MED25: variants seen among roughly 807,000 people sequenced by gnomAD.
MED25 encodes the protein mediator complex subunit 25, also known as mediator of RNA polymerase II transcription subunit 25.
Under a neutral mutation model 89.4 loss-of-function variants are expected in MED25, and 62 were observed. The observed-to-expected ratio is 0.69, with a 90% CI of 0.57 to 0.86. MED25 has a LOEUF of 0.86. Among genes scored for constraint, MED25 ranks in the 40% least tolerant of loss-of-function variants. The pLI, the probability that MED25 is intolerant of heterozygous loss-of-function variation, is 0.00. For synonymous variants in MED25, 449 were observed against 427.9 expected (o/e 1.05, Z -0.61); for missense variants, 905 against 1,005.2 (o/e 0.90, Z 1.35).
rs1384542921 is a variant in MED25, at chr19:49,836,484, G to A, written c.2146+78G>A. 2 of 1,496,072 alleles carry A rather than the reference G, an allele frequency of 1.3e-6. No individual in the cohort carries two copies. Among genetic ancestry groups the A allele is most frequent in the African/African-American group, 1.4e-5 (1 of 71,880 alleles). The allele number at this position is 1,496,072 out of a possible 1,614,324, so 92.7% of individuals were successfully genotyped here. A position where few individuals can be genotyped will look rare whatever the true frequency, so the allele number is the denominator to read the frequency against. On this transcript the variant is annotated intron_variant, in intron 17 of 17. Coordinates refer to ENST00000312865, the MANE Select transcript of MED25 (RefSeq NM_030973.4). The surrounding 1 kb of genome is among the most constrained non-coding windows in gnomAD (Gnocchi z 5.1). ...CTGGGCTAGAGCACCAAGACCGAGT[G>A]CTCCTGGGAAGTAAAGACATAGGAT...
intron 3 of MED25, among the ~76,000 whole-genome samples, chr19:49,823,150 T>TG (rs1354693510): frequency 6.6e-6 from 1 of 152,178 alleles, no homozygotes; most frequent in Non-Finnish European, 1.5e-5. Context: ...GATGAGGTCT[T>TG]GCTGTGTTGC....
Position 49,836,677 on chromosome 19 carries a change from G to A in MED25, c.2147-170G>A, listed in dbSNP as rs747567412. ...GTCTTAGGGCCAGAGAAGTAGTTTT[G>A]GAGAAGGGCCCCCAAAGGCTCATGG... On this transcript the variant is annotated intron_variant, in intron 17 of 17. Coordinates refer to ENST00000312865, the MANE Select transcript of MED25 (RefSeq NM_030973.4). The surrounding 1 kb of genome is among the most constrained non-coding windows in gnomAD (Gnocchi z 5.1). 1 of 739,768 alleles carries A rather than the reference G, an allele frequency of 1.4e-6. No homozygotes were observed. Among genetic ancestry groups the A allele is most frequent in the Non-Finnish European group, 2.5e-6 (1 of 407,548 alleles). 45.8% of individuals were successfully genotyped at this position (739,768 alleles called of 1,614,324 possible).
chr19:49,824,727 G>A (rs2074004783), intron 3 of MED25, among the ~76,000 whole-genome samples: 1 of 152,200 alleles, frequency 6.6e-6, no homozygotes, highest in African/African-American at 2.4e-5. Flanking sequence ...TGGGCACCAA[G>A]GAGTTAGTGG....
In MED25 at chr19:49,830,641, A is replaced by G; in HGVS notation, c.907+43A>G. 3.1e-6 allele frequency: 5 copies of G among 1,612,532 alleles called. No individual in the cohort carries two copies. The highest frequency in any genetic ancestry group is 4.2e-6 in the Non-Finnish European group (5 of 1,178,546). On this transcript the variant is annotated intron_variant, in intron 8 of 17. Coordinates refer to ENST00000312865, the MANE Select transcript of MED25 (RefSeq NM_030973.4). The surrounding 1 kb of genome is among the most constrained non-coding windows in gnomAD (Gnocchi z 4.6). ...GATGAAGGGCGGGCAGGGGCCAGGCAGGCCTCTCTCCACACACTTGTTCCC... is the reference window on the plus strand; with the variant it reads ...GATGAAGGGCGGGCAGGGGCCAGGCGGGCCTCTCTCCACACACTTGTTCCC...
intron 4 of MED25, 23 bp from the exon 5 acceptor site, chr19:49,828,947 A>G: frequency 1.2e-6 from 2 of 1,613,656 alleles, no homozygotes; most frequent in Non-Finnish European, 1.7e-6. Context: ...TGCTGGCTCC[A>G]TGTCTTCTCT....
chr19:49,826,414 G>C (rs2074015981), intron 3 of MED25, among the ~76,000 whole-genome samples: 1 of 152,176 alleles, frequency 6.6e-6, no homozygotes, highest in African/African-American at 2.4e-5. Context: ...CAGCGCCCGA[G>C]TGCCCTGAGA....
At chr19:49,819,344 C>T (rs2073965503) in intron 3 of MED25, 48 bp downstream of exon 3, 2 of 1,598,786 alleles carry the variant, frequency 1.3e-6, no homozygotes, top group Non-Finnish European at 1.7e-6. Context: ...TGTGAGGGGC[C>T]GTGAATGAGT....
chr19:49,830,303 G>T lies in MED25; in HGVS notation c.819+85G>T. 7.0e-7 allele frequency: 1 copy of T among 1,419,856 alleles called. No homozygotes were observed. Among genetic ancestry groups the T allele is most frequent in the Non-Finnish European group, 9.7e-7 (1 of 1,026,630 alleles). The allele number at this position is 1,419,856 out of a possible 1,614,324, so 88.0% of individuals were successfully genotyped here. A position where few individuals can be genotyped will look rare whatever the true frequency, so the allele number is the denominator to read the frequency against. ...GGGAGAAATCTAGTTGCATGTTGGA[G>T]CTTGTGGGATGATGGGAGTCCCATG... On this transcript the variant is annotated intron_variant, in intron 7 of 17. Coordinates refer to ENST00000312865, the MANE Select transcript of MED25 (RefSeq NM_030973.4). The surrounding 1 kb of genome is among the most constrained non-coding windows in gnomAD (Gnocchi z 4.6).
rs2074056538 is a variant in MED25 at position 49,831,393 on chromosome 19, G to A, written c.1162G>A (p.Ala388Thr). The stretch of plus-strand genomic sequence containing the variant: ...TTCCCCAGCCCAGCTGGGAGCCCCA[G>A]CCCTCGGTGGGCAGCAGTCAGTCTC... ...GPSPAQLGAP[A>T]LGGQQSVSNK... is the part of the protein sequence containing the mutation. The change falls in exon 10 of 18, where the codon GCC (alanine) becomes ACC (threonine). Residue 388 changes from alanine to threonine, a missense_variant. Physicochemically the swap from Ala to Thr is moderately conservative, Grantham distance 58 (BLOSUM62 0). Transcript: ENST00000312865. The surrounding 1 kb of genome is among the most constrained non-coding windows in gnomAD (Gnocchi z 5.0). 2 of 1,611,050 alleles carry A rather than the reference G, an allele frequency of 1.2e-6. No individual in the cohort carries two copies. Among genetic ancestry groups the A allele is most frequent in the African/African-American group, 2.7e-5 (2 of 74,910 alleles).
Position 49,830,805 on chromosome 19 carries a change from C to G in MED25, c.1019C>G (p.Pro340Arg), listed in dbSNP as rs4290565. 12 of 1,613,406 alleles carry G rather than the reference C, an allele frequency of 7.4e-6. No individual in the cohort carries two copies. The highest frequency in any genetic ancestry group is 9.3e-6 in the Non-Finnish European group (11 of 1,179,878). Residue 340 changes from proline (P) to arginine (R), a missense_variant, in exon 9 of 18, where the codon CCT becomes CGT. Physicochemically the swap from Pro to Arg is moderately radical, Grantham distance 103 (BLOSUM62 -2). Coordinates refer to ENST00000312865, the MANE Select transcript of MED25 (RefSeq NM_030973.4). The surrounding 1 kb of genome is among the most constrained non-coding windows in gnomAD (Gnocchi z 4.6). ...CCCCCTGGCGCCCCCAAGCCACCACCTGCTTCCCAGCCCAGTCTGGTCTCC... is the reference window on the plus strand; with the variant it reads ...CCCCCTGGCGCCCCCAAGCCACCACGTGCTTCCCAGCCCAGTCTGGTCTCC... ...PGPPGAPKPP[P>R]ASQPSLVSTV... is the part of the protein sequence containing the mutation.
intron 4 of MED25, 103 bp downstream of exon 4, chr19:49,828,650 T>G: frequency 9.6e-7 from 1 of 1,037,826 alleles, no homozygotes; most frequent in South Asian, 1.3e-5. Context: ...CTGTAGGGCA[T>G]GGGCTCTGTG....
chr19:49,839,004 G>A (rs1297714398), downstream of MED25: 7 of 341,716 alleles, frequency 2.0e-5, no homozygotes, highest in South Asian at 9.1e-5. Context: ...TAAGTCTAAC[G>A]GGCATTTGCG....
At position 49,832,367 on chromosome 19, in the gene MED25, G is replaced by A. The variant is rs181389801; in HGVS notation, c.1434G>A (p.Lys478=). Reference sequence around the variant, plus strand: ...TGGTCCAGTTCCATTTCACCAACAAGGACCTGGAGTCTCTCAAAGGCCTCT... The same window carrying A: ...TGGTCCAGTTCCATTTCACCAACAAAGACCTGGAGTCTCTCAAAGGCCTCT... ...SRMVQFHFTN[K]DLESLKGLYR... is the part of the protein sequence containing the mutation. The change falls in exon 13 of 18, where the codon AAG becomes AAA. Residue 478 remains lysine, a synonymous_variant. Transcript: ENST00000312865. 379 of 1,611,770 alleles carry A rather than the reference G, an allele frequency of 2.4e-4. 4 individuals are homozygous for A. In the East Asian group the frequency reaches 6.3e-3, roughly 27 times the overall value.
chr19:49,819,539 T>C (rs953486813), intron 3 of MED25: 4 of 506,930 alleles, frequency 7.9e-6, no homozygotes, highest in South Asian at 2.0e-5. Flanking sequence ...CATTAAGGGA[T>C]TGAAAGGACT....
chr19:49,836,661 C>T lies in MED25; in HGVS notation c.2147-186C>T. 1 of 737,226 alleles carries T rather than the reference C, an allele frequency of 1.4e-6. No homozygotes were observed. Among genetic ancestry groups the T allele is most frequent in the South Asian group, 1.5e-5 (1 of 67,234 alleles). 45.7% of individuals were successfully genotyped at this position (737,226 alleles called of 1,614,324 possible). ...ATTGCTGGGAAATGTGGTCTTAGGGCCAGAGAAGTAGTTTTGGAGAAGGGC... is the reference window on the plus strand; with the variant it reads ...ATTGCTGGGAAATGTGGTCTTAGGGTCAGAGAAGTAGTTTTGGAGAAGGGC... On this transcript the variant is annotated intron_variant, in intron 17 of 17. Transcript: ENST00000312865. The surrounding 1 kb of genome is among the most constrained non-coding windows in gnomAD (Gnocchi z 5.1).
At chr19:49,837,548 A>C (rs1232256298), downstream of MED25, among the ~76,000 whole-genome samples, 1 of 152,164 alleles carries the variant, frequency 6.6e-6, no homozygotes, top group Non-Finnish European at 1.5e-5. Context: ...TCTGGATGTC[A>C]GAAAGACCCC....
chr19:49,818,340 G>T lies in MED25; in HGVS notation c.-2G>T, dbSNP rs2073952659. 1.9e-6 allele frequency: 3 copies of T among 1,583,964 alleles called. No homozygotes were observed. Among genetic ancestry groups the T allele is most frequent in the South Asian group, 2.2e-5 (2 of 89,112 alleles). ...GTGGTGGTGGCGGGTACCGCACGGG[G>T]TATGGTCCCCGGGTCCGAGGGCCCG... On this transcript the variant is annotated 5_prime_UTR_variant, in exon 1 of 18. Transcript: ENST00000312865.
downstream of MED25, chr19:49,837,062 A>G (rs1600333165): frequency 7.0e-6 from 6 of 861,020 alleles, no homozygotes; most frequent in East Asian, 1.6e-4. Context: ...TTCTCACTTC[A>G]GCAGACATCC....
Position 49,834,661 on chromosome 19 carries a change from G to A in MED25, c.1483-325G>A, listed in dbSNP as rs2074082699. On this transcript the variant is annotated intron_variant, in intron 13 of 17. Transcript: ENST00000312865. This position sits in a 1 kb window ranked among gnomAD's most constrained non-coding sequence, Gnocchi z 4.1. ...GCTCTCCCGGCCGTGACCCTCAGCC[G>A]CCCTCTGAGGAGGCCGCCGTGGCAT... 9.7e-6 allele frequency: 4 copies of A among 414,460 alleles called. No homozygotes were observed. Among genetic ancestry groups the A allele is most frequent in the Admixed American group, 7.1e-5 (2 of 28,368 alleles). The allele number at this position is 414,460 out of a possible 1,614,324, so 25.7% of individuals were successfully genotyped here.
Sources: allele counts gnomAD v4.1 joint callset (sites outside exome capture counted in the v4.1 genomes callset), GRCh38; gene constraint gnomAD v4.1.1; non-coding constraint Gnocchi (gnomAD v3.1); transcripts MANE v1.5; gene names NCBI Gene and HGNC (gene_info 2026-07-23, HGNC 2026-07-21).